THEMIS: variants seen among roughly 807,000 people sequenced by gnomAD.
THEMIS encodes protein THEMIS.
Under a neutral mutation model 52.6 loss-of-function variants are expected in THEMIS, and 37 were observed. The ratio of observed to expected loss-of-function variants is 0.70; its 90% CI spans 0.54 to 0.93. The LOEUF (loss-of-function observed/expected upper bound fraction) is 0.93, where lower values mean the gene tolerates loss of function less well. Among genes scored for constraint, THEMIS ranks in the 40% least tolerant of loss-of-function variants. The pLI is 0.00. For missense variants in THEMIS, 808 were observed against 763.1 expected, an observed-to-expected ratio of 1.06 and a Z score of -0.69; for synonymous variants, 292 against 272.7, an observed-to-expected ratio of 1.07 and a Z score of -0.70.
In THEMIS at chr6:127,868,635, C is replaced by T. The variant is rs76065199; in HGVS notation, c.92-13447G>A. On this transcript the variant is annotated intron_variant, in intron 1 of 5. Coordinates refer to ENST00000368248, the MANE Select transcript of THEMIS (RefSeq NM_001010923.3). ...ACAAGCTGCCTTGTCTATTTATTCC[C>T]AGTGTGCCAAACAAATATTCATATT... is the stretch of plus-strand genomic sequence containing the variant. 3.3e-3 allele frequency among the ~76,000 whole-genome samples: 497 copies of T among 152,222 alleles called. 3 individuals are homozygous for T. The highest frequency in any genetic ancestry group is 0.011 in the African/African-American group (476 of 41,534).
chr6:127,706,229 A>G (rs1773795575), downstream of THEMIS, among the ~76,000 whole-genome samples: 1 of 151,970 alleles, frequency 6.6e-6, no homozygotes, highest in Admixed American at 6.6e-5. Flanking sequence ...ATTATAAAAT[A>G]AAAACACATA....
At chr6:127,863,591 A>G (rs1779877630) in intron 1 of THEMIS, among the ~76,000 whole-genome samples, 1 of 152,194 alleles carries the variant, frequency 6.6e-6, no homozygotes, top group South Asian at 2.1e-4. Context: ...GCTGTCAAAC[A>G]ATTGGAGTGT....
upstream of THEMIS, among the ~76,000 whole-genome samples, chr6:127,905,758 A>G (rs1436089144): frequency 2.0e-5 from 3 of 151,968 alleles, no homozygotes; most frequent in East Asian, 5.8e-4. Flanking sequence ...TGCAAAAGTG[A>G]TGTTTAATAT....
intron 1 of THEMIS, among the ~76,000 whole-genome samples, chr6:127,865,734 T>A (rs1779953205): frequency 6.6e-6 from 1 of 152,150 alleles, no homozygotes; most frequent in East Asian, 1.9e-4. Context: ...ACATTATATG[T>A]TTGAGGTTGA....
intron 2 of THEMIS, among the ~76,000 whole-genome samples, chr6:127,836,732 G>A (rs1191610988): frequency 6.6e-6 from 1 of 152,078 alleles, no homozygotes; most frequent in Non-Finnish European, 1.5e-5. Flanking sequence ...AACTTCAACA[G>A]CATGAATTTG....
chr6:127,897,875 C>T (rs1421137135), intron 1 of THEMIS, among the ~76,000 whole-genome samples: 4 of 151,550 alleles, frequency 2.6e-5, no homozygotes, highest in Non-Finnish European at 5.9e-5. Context: ...AGAAATAATC[C>T]AAATGCCTAT....
chr6:127,770,866 T>C (rs1316384191), intron 4 of THEMIS, among the ~76,000 whole-genome samples: 2 of 152,204 alleles, frequency 1.3e-5, no homozygotes, highest in Non-Finnish European at 2.9e-5. Flanking sequence ...GAACCATTTA[T>C]TAAATAGGGA....
rs186290497 is a variant in THEMIS at position 127,760,159 on chromosome 6, A to G, written c.1759-40336T>C. Among the ~76,000 whole-genome samples the G allele has an allele frequency of 4.8e-4, 71 of 148,120 alleles. No individual in the cohort carries two copies. In the East Asian group the frequency reaches 0.012, roughly 25 times the overall value. ...AACAGATAATTCTTCCTTATTATGT[A>G]TTCTTGTCATCCTTATCAAAGATAC... On this transcript the variant is annotated intron_variant, in intron 4 of 5. Coordinates refer to ENST00000368248, the MANE Select transcript of THEMIS (RefSeq NM_001010923.3).
chr6:127,730,356 A>AAAGAGAAGAC (rs1486637809), intron 4 of THEMIS, among the ~76,000 whole-genome samples: 1 of 136,230 alleles, frequency 7.3e-6, no homozygotes, highest in South Asian at 2.3e-4. Flanking sequence ...GAAGAGAAGA[A>AAAGAGAAGAC]AAGAGAAGAC....
intron 1 of THEMIS, among the ~76,000 whole-genome samples, chr6:127,907,336 G>GGTTTTTTTTT (rs1444629822): frequency 1.4e-4 from 4 of 28,596 alleles, no homozygotes; most frequent in Non-Finnish European, 2.4e-4. Flanking sequence ...ATTAGGCTCG[G>GGTTTTTTTTT]ATTTTTTTTT....
intron 1 of THEMIS, among the ~76,000 whole-genome samples, chr6:127,862,826 C>T (rs1253144889): frequency 6.6e-6 from 1 of 152,050 alleles, no homozygotes; most frequent in Non-Finnish European, 1.5e-5. Context: ...CCTCTCATCA[C>T]TAATCATACA....
chr6:127,746,878 AT>A (rs1775428098), intron 4 of THEMIS, among the ~76,000 whole-genome samples: 7 of 64,464 alleles, frequency 1.1e-4, no homozygotes, highest in Non-Finnish European at 1.8e-4. Context: ...TATATTATAT[AT>A]AATTATATAT....
chr6:127,776,410 T>A (rs1776566236), intron 4 of THEMIS, among the ~76,000 whole-genome samples: 1 of 152,210 alleles, frequency 6.6e-6, no homozygotes, highest in African/African-American at 2.4e-5. Flanking sequence ...CTTGGACCTC[T>A]CATTCTTGGG....
intron 4 of THEMIS, among the ~76,000 whole-genome samples, chr6:127,803,320 A>T (rs1777598322): frequency 6.6e-6 from 1 of 152,108 alleles, no homozygotes; most frequent in Admixed American, 6.6e-5. Flanking sequence ...ATCACCCGAA[A>T]ATGTTCCTCT....
At chr6:127,882,676 A>G (rs1481766929) in intron 1 of THEMIS, among the ~76,000 whole-genome samples, 1 of 151,844 alleles carries the variant, frequency 6.6e-6, no homozygotes, top group Non-Finnish European at 1.5e-5. Flanking sequence ...TTAGACTTTA[A>G]TTTCATTCCA....
At chr6:127,792,367 A>G (rs1777188354) in intron 4 of THEMIS, among the ~76,000 whole-genome samples, 1 of 152,230 alleles carries the variant, frequency 6.6e-6, no homozygotes, top group South Asian at 2.1e-4. Flanking sequence ...GACACTGTAA[A>G]CCTTGGAACT....
chr6:127,852,727 C>T (rs1779472566), intron 2 of THEMIS, among the ~76,000 whole-genome samples: 1 of 151,430 alleles, frequency 6.6e-6, no homozygotes, highest in Non-Finnish European at 1.5e-5. Flanking sequence ...TCTTTGATTT[C>T]TATCTTTCTC....
At chr6:127,841,207 T>C (rs1399457105) in intron 2 of THEMIS, among the ~76,000 whole-genome samples, 1 of 151,800 alleles carries the variant, frequency 6.6e-6, no homozygotes, top group African/African-American at 2.4e-5. Context: ...ATGTTGGGGG[T>C]CAGGAAGTAT....
chr6:127,719,208 T>G (rs1774277546), intron 5 of THEMIS, among the ~76,000 whole-genome samples: 1 of 151,894 alleles, frequency 6.6e-6, no homozygotes, highest in South Asian at 2.1e-4. Flanking sequence ...CCTCCACAAG[T>G]CCGTTTGCTT....
Sources: gnomAD v4.1 joint callset for allele counts (sites outside exome capture counted in the v4.1 genomes callset) on GRCh38, gnomAD v4.1.1 for gene constraint, MANE v1.5 for transcripts, NCBI Gene and HGNC (gene_info 2026-07-23, HGNC 2026-07-21) for gene names.